The following RNF135 variants were observed in gnomAD, a reference collection of about 807,000 sequenced individuals.
RNF135 encodes the protein E3 ubiquitin-protein ligase RNF135.
Under a neutral mutation model 41.9 loss-of-function variants are expected in RNF135, and 46 were observed. The ratio of observed to expected loss-of-function variants is 1.10; its 90% CI spans 0.87 to 1.40. RNF135 has a LOEUF of 1.40. Among genes scored for constraint, RNF135 ranks in the 40% most tolerant of loss-of-function variants. The pLI is 0.00. For missense variants in RNF135, 539 were observed against 549.8 expected (o/e 0.98, Z 0.20); for synonymous variants, 238 against 223.8 (o/e 1.06, Z -0.57).
At position 30,984,762 on chromosome 17, in the gene RNF135, T is replaced by C. The variant is rs778088565; in HGVS notation, c.516+2T>C. On this transcript the variant is annotated splice_donor_variant, in intron 2 of 4. Transcript: ENST00000328381. LOFTEE classifies it high-confidence loss of function. Reference sequence around the variant, plus strand: ...AACGAACTGAGCATCCTGGGCAAGGTAGGCTCCACTGGGAGAGGAAAGGAT... The same window carrying C: ...AACGAACTGAGCATCCTGGGCAAGGCAGGCTCCACTGGGAGAGGAAAGGAT... The C allele has an allele frequency of 1.5e-5, 25 of 1,614,020 alleles. No homozygotes were observed. The highest frequency in any genetic ancestry group is 2.0e-5 in the Non-Finnish European group (24 of 1,179,960).
chr17:30,991,287 CG>C (rs1907968142), intron 3 of RNF135, among the ~76,000 whole-genome samples: 1 of 151,934 alleles, frequency 6.6e-6, no homozygotes, highest in Non-Finnish European at 1.5e-5. Flanking sequence ...TGCTTGAACC[CG>C]GGAGGCAGAG....
chr17:30,986,100 T>C (rs139939992), intron 2 of RNF135, among the ~76,000 whole-genome samples: 4 of 152,328 alleles, frequency 2.6e-5, no homozygotes, highest in African/African-American at 9.6e-5. Context: ...TCATTTGTAG[T>C]GGTTATCACC....
In RNF135 at chr17:30,999,462, T is replaced by G. The variant is rs1567751836; in HGVS notation, c.*271T>G. 6.5e-6 allele frequency: 3 copies of G among 462,908 alleles called. No homozygotes were observed. The highest frequency in any genetic ancestry group is 1.2e-5 in the Non-Finnish European group (3 of 250,788). The allele number at this position is 462,908 out of a possible 1,614,324, so 28.7% of individuals were successfully genotyped here. A position where few individuals can be genotyped will look rare whatever the true frequency, so the allele number is the denominator to read the frequency against. ...TCCTTTTGTGTGATACAGGATGAAC[T>G]TGGGATGTTTGAACCCTGGACATTC... On this transcript the variant is annotated 3_prime_UTR_variant, in exon 5 of 5. Coordinates refer to ENST00000328381, the MANE Select transcript of RNF135 (RefSeq NM_032322.4).
At chr17:30,977,827 C>T (rs751791657) in intron 1 of RNF135, among the ~76,000 whole-genome samples, 2 of 152,178 alleles carry the variant, frequency 1.3e-5, no homozygotes, top group African/African-American at 4.8e-5. Flanking sequence ...CCGTGGCCTC[C>T]CAAAGTGCTG....
chr17:30,971,381 G>A lies in RNF135; in HGVS notation c.308G>A (p.Cys103Tyr), dbSNP rs1452139652. The change falls in exon 1 of 5, where the codon TGC becomes TAC. Residue 103 changes from cysteine (C) to tyrosine (Y), a missense_variant. Transcript: ENST00000328381. ...GGCTCCGACCCTGCCCACTGCCCCT[G>A]CCCGGGCTCCAGTTCCCTCTCCAGC... ...QAGSDPAHCPCPGSSSLSSAA... is the reference protein window; with the variant it reads ...QAGSDPAHCPYPGSSSLSSAA... 2.0e-6 allele frequency: 3 copies of A among 1,526,622 alleles called. No individual in the cohort carries two copies. Among genetic ancestry groups the A allele is most frequent in the Non-Finnish European group, 1.8e-6 (2 of 1,142,330 alleles). 94.6% of individuals were successfully genotyped at this position (1,526,622 alleles called of 1,614,324 possible).
At chr17:30,964,021 T>C in the RNF135 span, among the ~76,000 whole-genome samples, 2 of 151,916 alleles carry the variant, frequency 1.3e-5, no homozygotes, top group Non-Finnish European at 2.9e-5. Context: ...TGAAGTGGAG[T>C]GGAAGTAAGA....
rs530089562 is a variant in RNF135, at chr17:30,992,593, G to A, written c.679+4487G>A. On this transcript the variant is annotated intron_variant, in intron 3 of 4. Transcript: ENST00000328381. The stretch of plus-strand genomic sequence containing the variant: ...TGATCCTCCCTCCTTAGCCTCCTGA[G>A]TAGCTGGGACTGCAGGTGCGTGTCA... 5.9e-5 allele frequency among the ~76,000 whole-genome samples: 9 copies of A among 152,128 alleles called. No individual in the cohort carries two copies. In the South Asian group the frequency reaches 1.7e-3, roughly 28 times the overall value.
At chr17:30,991,076 A>G (rs1437054193) in intron 3 of RNF135, among the ~76,000 whole-genome samples, 1 of 152,204 alleles carries the variant, frequency 6.6e-6, no homozygotes, top group African/African-American at 2.4e-5. Flanking sequence ...TACATTGCCA[A>G]ATCACCCTCC....
At chr17:30,968,183 G>A (rs1479673383), upstream of RNF135, among the ~76,000 whole-genome samples, 2 of 151,016 alleles carry the variant, frequency 1.3e-5, no homozygotes, top group Admixed American at 6.6e-5. Flanking sequence ...AGCTACTCCG[G>A]AGGCTGAGGC....
At chr17:30,985,144 C>G (rs1352490847) in intron 2 of RNF135, among the ~76,000 whole-genome samples, 3 of 152,214 alleles carry the variant, frequency 2.0e-5, no homozygotes, top group African/African-American at 4.8e-5. Flanking sequence ...CCACCTCTCT[C>G]TGGCTGATCC....
intron 2 of RNF135, among the ~76,000 whole-genome samples, chr17:30,985,334 G>A (rs980831451): frequency 6.6e-6 from 1 of 152,154 alleles, no homozygotes; most frequent in African/African-American, 2.4e-5. Context: ...CTGAGCACTA[G>A]GCTGCTATGT....
chr17:30,974,274 T>C (rs1415427086), intron 1 of RNF135, among the ~76,000 whole-genome samples: 2 of 152,254 alleles, frequency 1.3e-5, no homozygotes, highest in African/African-American at 4.8e-5. Context: ...GTACTTATGC[T>C]GGTACCACAC....
intron 1 of RNF135, among the ~76,000 whole-genome samples, chr17:30,978,397 A>G (rs1295786669): frequency 6.6e-6 from 1 of 151,786 alleles, no homozygotes; most frequent in Non-Finnish European, 1.5e-5. Flanking sequence ...CATTTTCTAG[A>G]TCTTGTAGGC....
At chr17:30,965,920 A>T in the RNF135 span, among the ~76,000 whole-genome samples, 1 of 152,196 alleles carries the variant, frequency 6.6e-6, no homozygotes, top group Non-Finnish European at 1.5e-5. Flanking sequence ...TCTGGAAAAC[A>T]TCTCCACCAA....
rs1907452912 is a variant in RNF135, at chr17:30,984,608, A to G, written c.373-9A>G. ...TAGAACCCAGGACCTGAACTTTGCT[A>G]TTTTGAAGGTGGCAGTAGAGAAGAG... On this transcript the variant is annotated splice_polypyrimidine_tract_variant and intron_variant, in intron 1 of 4. Coordinates refer to ENST00000328381, the MANE Select transcript of RNF135 (RefSeq NM_032322.4). 2 of 1,613,932 alleles carry G rather than the reference A, an allele frequency of 1.2e-6. No individual in the cohort carries two copies. The highest frequency in any genetic ancestry group is 1.7e-6 in the Non-Finnish European group (2 of 1,180,020).
At chr17:30,984,537 AT>A in intron 1 of RNF135, 79 bp from the exon 2 acceptor site, 1 of 1,458,338 alleles carries the variant, frequency 6.9e-7, no homozygotes, top group Non-Finnish European at 9.6e-7. Context: ...TTACCACAGT[AT>A]TTATGATTCC....
At chr17:30,975,942 T>A in intron 1 of RNF135, 1 of 536,748 alleles carries the variant, frequency 1.9e-6, no homozygotes. Context: ...TGTTCATCTC[T>A]ACAAAGTTGA....
intron 1 of RNF135, chr17:30,978,533 C>T (rs1456266813): frequency 6.6e-6 from 1 of 152,042 alleles, no homozygotes; most frequent in Non-Finnish European, 1.5e-5. Context: ...ATGCATTCTT[C>T]AGTATGTCAG....
chr17:30,997,426 CCTTGG>C (rs1488480826), intron 4 of RNF135, 95 bp downstream of exon 4: 2 of 1,040,002 alleles, frequency 1.9e-6, no homozygotes, highest in South Asian at 2.6e-5. Flanking sequence ...TAGGGCCACT[CCTTGG>C]CTTACTGCAC....
Sources: gnomAD v4.1 joint callset for allele counts (sites outside exome capture counted in the v4.1 genomes callset) on GRCh38, gnomAD v4.1.1 for gene constraint, MANE v1.5 for transcripts, NCBI Gene and HGNC (gene_info 2026-07-23, HGNC 2026-07-21) for gene names.